The following RGS10 variants were observed in gnomAD, a reference collection of about 807,000 sequenced individuals.
RGS10 encodes regulator of G-protein signalling 10.
Under a neutral mutation model 23.5 loss-of-function variants are expected in RGS10, and 11 were observed. The observed-to-expected ratio is 0.47, with a 90% CI of 0.29 to 0.77. The LOEUF is 0.77. Among genes scored for constraint, RGS10 ranks in the 30% least tolerant of loss-of-function variants. The pLI is 0.08. For missense variants in RGS10, 180 were observed against 226.3 expected (o/e 0.80, Z 1.31); for synonymous variants, 77 against 83.2 (o/e 0.92, Z 0.41).
chr10:119,537,470 G>T (rs1308707776), intron 1 of RGS10, among the ~76,000 whole-genome samples: 1 of 152,034 alleles, frequency 6.6e-6, no homozygotes, highest in African/African-American at 2.4e-5. Flanking sequence ...TTGCAAGCTA[G>T]TTTCCTCAAG....
intron 3 of RGS10, among the ~76,000 whole-genome samples, chr10:119,525,568 G>A (rs1360918370): frequency 3.9e-5 from 6 of 152,212 alleles, no homozygotes; most frequent in Admixed American, 2.0e-4. Context: ...CATCTACCCA[G>A]GAGAACAATC....
At chr10:119,502,782 C>T (rs1037542723) in intron 4 of RGS10, among the ~76,000 whole-genome samples, 6 of 152,166 alleles carry the variant, frequency 3.9e-5, no homozygotes, top group Non-Finnish European at 7.3e-5. Flanking sequence ...AAATGCCCCA[C>T]GAGTGCAGAA....
At chr10:119,534,672 C>T (rs1443835604) in intron 1 of RGS10, among the ~76,000 whole-genome samples, 4 of 149,104 alleles carry the variant, frequency 2.7e-5, no homozygotes, top group African/African-American at 9.9e-5. Flanking sequence ...AGGCAGATCA[C>T]GAGGTCAAGA....
intron 3 of RGS10, among the ~76,000 whole-genome samples, chr10:119,522,490 G>A (rs531874305): frequency 2.0e-5 from 3 of 152,120 alleles, no homozygotes; most frequent in East Asian, 3.8e-4. Flanking sequence ...AGGCCGAGGC[G>A]GGTGGATCAT....
chr10:119,522,981 C>T (rs1393231466), intron 3 of RGS10, among the ~76,000 whole-genome samples: 1 of 150,600 alleles, frequency 6.6e-6, no homozygotes, highest in African/African-American at 2.5e-5. Context: ...TGGGCAACTA[C>T]AGGCGCACTC....
chr10:119,538,995 A>C lies in RGS10; in HGVS notation c.49+3595T>G, dbSNP rs1389514082. ...AGGCATCTACATTTTCTAACCATGA[A>C]GAAAGGAGACATCACATCAAATACA... On this transcript the variant is annotated intron_variant, in intron 1 of 4. Transcript: ENST00000369103. This position sits in a 1 kb window ranked among gnomAD's most constrained non-coding sequence, Gnocchi z 4.5. Among the ~76,000 whole-genome samples, 1 of 152,196 alleles carries C rather than the reference A, an allele frequency of 6.6e-6. No individual in the cohort carries two copies. The highest frequency in any genetic ancestry group is 1.5e-5 in the Non-Finnish European group (1 of 68,028).
At position 119,532,502 on chromosome 10, in the gene RGS10, C is replaced by G. The variant is rs558836599; in HGVS notation, c.50-5078G>C. On this transcript the variant is annotated intron_variant, in intron 1 of 4. Transcript: ENST00000369103. ...GGCCAAGGCAGGCAGATTGCTTGAGCTCAGGAGTTCAAGACCAGCCTGGGC... is the reference window on the plus strand; with the variant it reads ...GGCCAAGGCAGGCAGATTGCTTGAGGTCAGGAGTTCAAGACCAGCCTGGGC... 3.3e-5 allele frequency among the ~76,000 whole-genome samples: 5 copies of G among 152,258 alleles called. No individual in the cohort carries two copies. In the South Asian group the frequency reaches 1.0e-3, roughly 32 times the overall value.
rs1165025441 is a variant in RGS10, at chr10:119,524,459, A to G, written c.255+1573T>C. Reference sequence around the variant, plus strand: ...ACACTCAAAAGAATAAGGCAGGGGAATGGACATCTGTTGGCTTGCTTGACT... The same window carrying G: ...ACACTCAAAAGAATAAGGCAGGGGAGTGGACATCTGTTGGCTTGCTTGACT... On this transcript the variant is annotated intron_variant, in intron 3 of 4. Transcript: ENST00000369103. The surrounding 1 kb of genome is among the most constrained non-coding windows in gnomAD (Gnocchi z 5.2). Among the ~76,000 whole-genome samples the G allele has an allele frequency of 6.6e-6, 1 of 152,164 alleles. No homozygotes were observed. The highest frequency in any genetic ancestry group is 2.4e-5 in the African/African-American group (1 of 41,448).
At chr10:119,514,803 C>T (rs1404487914) in intron 4 of RGS10, among the ~76,000 whole-genome samples, 1 of 152,128 alleles carries the variant, frequency 6.6e-6, no homozygotes, top group Non-Finnish European at 1.5e-5. Flanking sequence ...GGAGCTCTGA[C>T]AAGATTCTGA....
At chr10:119,542,023 TCAG>T (rs1844439105) in intron 1 of RGS10, among the ~76,000 whole-genome samples, 2 of 152,308 alleles carry the variant, frequency 1.3e-5, no homozygotes, top group East Asian at 3.9e-4. Flanking sequence ...CTTCGTAACG[TCAG>T]AACTTCGCTG....
In RGS10 at chr10:119,515,617, A is replaced by G. The variant is rs748285269; in HGVS notation, c.291T>C (p.Phe97=). Residue 97 remains phenylalanine, a synonymous_variant, in exon 4 of 5, where the codon TTT becomes TTC. Coordinates refer to ENST00000369103, the MANE Select transcript of RGS10 (RefSeq NM_001005339.2). ...QEKAKEIYMT[F]LSSKASSQVN... is the part of the protein sequence containing the mutation. ...CCTGTGATGAGGCCTTGCTGGACAG[A>G]AAGGTCATGTAGATCTCCTTTGCCT... 1.2e-5 allele frequency: 19 copies of G among 1,614,134 alleles called. 1 individual carries two copies. The South Asian group carries it at 2.1e-4, about 18-fold the overall frequency.
chr10:119,500,589 G>C (rs1321304478), intron 4 of RGS10, among the ~76,000 whole-genome samples: 1 of 151,770 alleles, frequency 6.6e-6, no homozygotes, highest in Non-Finnish European at 1.5e-5. Context: ...GCCTAGATAA[G>C]ACAAGGATGT....
rs550688528 is a variant in RGS10 at position 119,503,400 on chromosome 10, G to A, written c.400-3141C>T. 9.2e-5 allele frequency among the ~76,000 whole-genome samples: 14 copies of A among 152,046 alleles called. No individual in the cohort carries two copies. The East Asian group carries it at 9.7e-4, about 10-fold the overall frequency. Reference sequence around the variant, plus strand: ...TCTTCCAAGAAAGTGGCCAGAGATCGTGTGCCCAGCTACTGGCCAGAGCCT... The same window carrying A: ...TCTTCCAAGAAAGTGGCCAGAGATCATGTGCCCAGCTACTGGCCAGAGCCT... On this transcript the variant is annotated intron_variant, in intron 4 of 4. Coordinates refer to ENST00000369103, the MANE Select transcript of RGS10 (RefSeq NM_001005339.2).
rs551190891 is a variant in RGS10, at chr10:119,517,312, C to G, written c.256-1660G>C. 3.1e-5 allele frequency among the ~76,000 whole-genome samples: 3 copies of G among 95,278 alleles called. No homozygotes were observed. In the South Asian group the frequency reaches 9.8e-4, roughly 31 times the overall value. 62.5% of individuals were successfully genotyped at this position (95,278 alleles called of 152,430 possible). On this transcript the variant is annotated intron_variant, in intron 3 of 4. Transcript: ENST00000369103. This position sits in a 1 kb window ranked among gnomAD's most constrained non-coding sequence, Gnocchi z 5.0. ...GGGTGAACACCGAAAGCCATGCTGTCCACCCTGTCTTCACTGTCAATAGGA... is the reference window on the plus strand; with the variant it reads ...GGGTGAACACCGAAAGCCATGCTGTGCACCCTGTCTTCACTGTCAATAGGA...
At chr10:119,502,281 A>G (rs1326120742) in intron 4 of RGS10, among the ~76,000 whole-genome samples, 3 of 152,174 alleles carry the variant, frequency 2.0e-5, no homozygotes, top group Non-Finnish European at 4.4e-5. Flanking sequence ...CAGCCCTTCC[A>G]GGCACAAGAG....
chr10:119,522,417 A>T (rs1240426849), intron 3 of RGS10, among the ~76,000 whole-genome samples: 2 of 152,164 alleles, frequency 1.3e-5, no homozygotes, highest in Non-Finnish European at 2.9e-5. Flanking sequence ...TACGTGCACA[A>T]CAGAGGATTA....
chr10:119,515,488 C>A, intron 4 of RGS10, 21 bp downstream of exon 4: 4 of 1,613,522 alleles, frequency 2.5e-6, no homozygotes, highest in Non-Finnish European at 3.4e-6. Flanking sequence ...AATCAAGGTG[C>A]AGGCAGGGAA....
chr10:119,509,666 C>T (rs1222788252), intron 4 of RGS10, among the ~76,000 whole-genome samples: 1 of 151,996 alleles, frequency 6.6e-6, no homozygotes, highest in Non-Finnish European at 1.5e-5. Flanking sequence ...GGAAATAAGG[C>T]TGTAGTTATC....
chr10:119,502,944 G>A (rs1487522416), intron 4 of RGS10, among the ~76,000 whole-genome samples: 3 of 152,182 alleles, frequency 2.0e-5, no homozygotes, highest in African/African-American at 7.2e-5. Flanking sequence ...TGGGCTGTGG[G>A]AAGCCTGATT....
Sources: allele counts gnomAD v4.1 joint callset (sites outside exome capture counted in the v4.1 genomes callset), GRCh38; gene constraint gnomAD v4.1.1; non-coding constraint Gnocchi (gnomAD v3.1); transcripts MANE v1.5; gene names NCBI Gene and HGNC (gene_info 2026-07-23, HGNC 2026-07-21).